The following EFNA1 variants were observed in gnomAD, a reference collection of about 807,000 sequenced individuals.
EFNA1 encodes the protein ephrin-A1.
EFNA1 carries 8 observed loss-of-function variants against 23.2 expected under a neutral mutation model. The observed-to-expected ratio is 0.34, with a 90% CI of 0.20 to 0.62. EFNA1 has a LOEUF of 0.62. Ranked by LOEUF, EFNA1 falls within the 20% of genes least tolerant of loss-of-function variation. The pLI, the probability that EFNA1 is intolerant of heterozygous loss-of-function variation, is 0.75. For synonymous variants in EFNA1, 89 were observed against 98.6 expected (o/e 0.90, Z 0.58); for missense variants, 217 against 260.0 (o/e 0.83, Z 1.14).
intron 1 of EFNA1, chr1:155,130,510 A>AGGGGAGAGG: frequency 1.0e-6 from 1 of 959,146 alleles, no homozygotes; most frequent in African/African-American, 2.0e-5. Context: ...GAGGGGAGAG[A>AGGGGAGAGG]GGGGAGAGGG....
intron 1 of EFNA1, chr1:155,130,839 G>T (rs1664226245): frequency 3.0e-6 from 3 of 985,320 alleles, no homozygotes; most frequent in South Asian, 9.4e-5. Context: ...AGTAAGGAAA[G>T]TGAAGACACA....
chr1:155,133,982 G>C lies in EFNA1; in HGVS notation c.533G>C (p.Ser178Thr), dbSNP rs1178396431. 6.2e-7 allele frequency: 1 copy of C among 1,614,140 alleles called. No individual in the cohort carries two copies. The highest frequency in any genetic ancestry group is 2.2e-5 in the East Asian group (1 of 44,882). Residue 178 changes from serine to threonine, a missense_variant, in exon 5 of 5, where the codon AGC (serine) becomes ACC (threonine). Coordinates refer to ENST00000368407, the MANE Select transcript of EFNA1 (RefSeq NM_004428.3). The part of the protein sequence containing the change: ...ADDPEVRVLH[S>T]IGHSAAPRLF... ...GACCCAGAGGTGCGGGTTCTACATAGCATCGGTCACAGTGCTGCCCCACGC... is the reference window on the plus strand; with the variant it reads ...GACCCAGAGGTGCGGGTTCTACATACCATCGGTCACAGTGCTGCCCCACGC...
At chr1:155,133,369 G>T in intron 2 of EFNA1, 134 bp from the exon 3 acceptor site, 1 of 991,880 alleles carries the variant, frequency 1.0e-6, no homozygotes, top group Non-Finnish European at 1.5e-6. Flanking sequence ...ACTAAGGAGG[G>T]TAGGAATCAA....
At chr1:155,133,199 G>A (rs971007375) in intron 2 of EFNA1, among the ~76,000 whole-genome samples, 3 of 152,128 alleles carry the variant, frequency 2.0e-5, no homozygotes, top group Non-Finnish European at 4.4e-5. Context: ...GTGAGCCACC[G>A]CGCCTGGCCT....
Position 155,131,102 on chromosome 1 carries a change from C to T in EFNA1, c.93-237C>T, listed in dbSNP as rs905706960. The T allele has an allele frequency of 9.7e-6, 13 of 1,335,404 alleles. No individual in the cohort carries two copies. In the African/African-American group the frequency reaches 1.8e-4, roughly 18 times the overall value. 82.7% of individuals were successfully genotyped at this position (1,335,404 alleles called of 1,614,324 possible). Reference sequence around the variant, plus strand: ...AAAATGCTTTGGTACCCGAAAGATACTGAGTGAATGCTATTTGAAGGACCA... The same window carrying T: ...AAAATGCTTTGGTACCCGAAAGATATTGAGTGAATGCTATTTGAAGGACCA... On this transcript the variant is annotated intron_variant, in intron 1 of 4. Transcript: ENST00000368407.
intron 2 of EFNA1, 97 bp from the exon 3 acceptor site, chr1:155,133,406 T>G (rs4971066): frequency 0.2 from 270,993 of 1,350,044 alleles, 42,045 homozygotes; most frequent in East Asian, 0.83. Flanking sequence ...AGAATGAAAT[T>G]GAGTAGGGAG....
At chr1:155,130,087 T>G (rs1413166380) in intron 1 of EFNA1, among the ~76,000 whole-genome samples, 6 of 151,978 alleles carry the variant, frequency 3.9e-5, no homozygotes, top group African/African-American at 1.4e-4. Flanking sequence ...GGGAGGGGCC[T>G]GGTAAGCCCA....
chr1:155,132,163 C>T (rs1048321852), intron 2 of EFNA1, among the ~76,000 whole-genome samples: 1 of 152,126 alleles, frequency 6.6e-6, no homozygotes, highest in Non-Finnish European at 1.5e-5. Context: ...ACAGAACAGA[C>T]CATGGGGGAA....
In EFNA1 at chr1:155,131,477, C is replaced by T; in HGVS notation, c.231C>T (p.Tyr77=). 6.2e-7 allele frequency: 1 copy of T among 1,613,746 alleles called. No individual in the cohort carries two copies. Among genetic ancestry groups the T allele is most frequent in the Non-Finnish European group, 8.5e-7 (1 of 1,179,852 alleles). Reference sequence around the variant, plus strand: ...TGTACCTGGTGGAGCATGAGGAGTACCAGCTGTGCCAGCCCCAGTCCAAGG... The same window carrying T: ...TGTACCTGGTGGAGCATGAGGAGTATCAGCTGTGCCAGCCCCAGTCCAAGG... ...YILYLVEHEE[Y]QLCQPQSKDQ... Residue 77 remains tyrosine, a synonymous_variant, in exon 2 of 5, where the codon TAC becomes TAT. Coordinates refer to ENST00000368407, the MANE Select transcript of EFNA1 (RefSeq NM_004428.3).
intron 1 of EFNA1, chr1:155,130,538 T>C: frequency 1.0e-6 from 1 of 984,066 alleles, no homozygotes; most frequent in Non-Finnish European, 1.2e-6. Flanking sequence ...TGTCTCAAGC[T>C]CAAGCTCAGA....
At chr1:155,129,535 A>ACG (rs1446390740) in intron 1 of EFNA1, 1 of 149,740 alleles carries the variant, frequency 6.7e-6, no homozygotes, top group Non-Finnish European at 1.4e-5. Flanking sequence ...ACACACACAC[A>ACG]CACACACACA....
chr1:155,128,781 G>A lies in EFNA1; in HGVS notation c.92+712G>A, dbSNP rs550431711. Among the ~76,000 whole-genome samples the A allele has an allele frequency of 1.8e-4, 28 of 152,342 alleles. 1 individual carries two copies. The South Asian group carries it at 5.4e-3, about 29-fold the overall frequency. On this transcript the variant is annotated intron_variant, in intron 1 of 4. Transcript: ENST00000368407. ...GTTACAGAAGGTTCTGGGCAGGAAG[G>A]AGTTAATTTCTCCTGGGCAGGTTTA...
In EFNA1 at chr1:155,127,901, C is replaced by T. The variant is rs1468274088; in HGVS notation, c.-77C>T. ...AGATCTGTGAGCCCAGCGCTGACTG[C>T]GCCGCGGAGAAAGCCAGTGGGAACC... On this transcript the variant is annotated 5_prime_UTR_variant, in exon 1 of 5. Transcript: ENST00000368407. The surrounding 1 kb of genome is among the most constrained non-coding windows in gnomAD (Gnocchi z 4.4). 10 of 1,171,050 alleles carry T rather than the reference C, an allele frequency of 8.5e-6. No individual in the cohort carries two copies. Among genetic ancestry groups the T allele is most frequent in the African/African-American group, 3.1e-5 (2 of 65,482 alleles). The allele number at this position is 1,171,050 out of a possible 1,614,324, so 72.5% of individuals were successfully genotyped here.
chr1:155,132,012 T>C (rs1010436974), intron 2 of EFNA1, among the ~76,000 whole-genome samples: 5 of 151,666 alleles, frequency 3.3e-5, no homozygotes, highest in African/African-American at 1.2e-4. Flanking sequence ...GTCCCAGAGC[T>C]CAGGACAAGC....
At position 155,131,441 on chromosome 1, in the gene EFNA1, G is replaced by A; in HGVS notation, c.195G>A (p.Glu65=). ...ACTCTGTGGCAGACGCTGCCATGGA[G>A]CAGTACATACTGTACCTGGTGGAGC... ...EDHSVADAAM[E]QYILYLVEHE... Residue 65 remains glutamate (E), a synonymous_variant, in exon 2 of 5, where the codon GAG becomes GAA. Transcript: ENST00000368407. 2 of 1,614,152 alleles carry A rather than the reference G, an allele frequency of 1.2e-6. No individual in the cohort carries two copies. The highest frequency in any genetic ancestry group is 1.7e-6 in the Non-Finnish European group (2 of 1,180,028).
intron 2 of EFNA1, among the ~76,000 whole-genome samples, chr1:155,133,246 A>G (rs1664276951): frequency 6.6e-6 from 1 of 152,154 alleles, no homozygotes; most frequent in Non-Finnish European, 1.5e-5. Flanking sequence ...AGAGGAACAT[A>G]TTCAGACTCG....
At chr1:155,128,435 T>C (rs1664146643) in intron 1 of EFNA1, among the ~76,000 whole-genome samples, 2 of 151,576 alleles carry the variant, frequency 1.3e-5, no homozygotes, top group South Asian at 4.2e-4. Flanking sequence ...CGCCTCTCCT[T>C]GTGTGTCCTT....
Position 155,134,267 on chromosome 1 carries a change from C to T in EFNA1, c.*200C>T. On this transcript the variant is annotated 3_prime_UTR_variant, in exon 5 of 5. Coordinates refer to ENST00000368407, the MANE Select transcript of EFNA1 (RefSeq NM_004428.3). ...AGGAGGCCAACCAGCCCGACAGTGC[C>T]ATCCCCACCTTCACCTCGGAGGGAT... is the stretch of plus-strand genomic sequence containing the variant. 1 of 598,854 alleles carries T rather than the reference C, an allele frequency of 1.7e-6. No homozygotes were observed. The highest frequency in any genetic ancestry group is 1.9e-5 in the South Asian group (1 of 51,284). The allele number at this position is 598,854 out of a possible 1,614,324, so 37.1% of individuals were successfully genotyped here. A position where few individuals can be genotyped will look rare whatever the true frequency, so the allele number is the denominator to read the frequency against.
At chr1:155,132,412 C>G (rs1664259830) in intron 2 of EFNA1, among the ~76,000 whole-genome samples, 1 of 151,930 alleles carries the variant, frequency 6.6e-6, no homozygotes, top group Non-Finnish European at 1.5e-5. Context: ...CCACGCCCAG[C>G]TAATTTTGTA....
Sources: allele counts gnomAD v4.1 joint callset (sites outside exome capture counted in the v4.1 genomes callset), GRCh38; gene constraint gnomAD v4.1.1; non-coding constraint Gnocchi (gnomAD v3.1); transcripts MANE v1.5; gene names NCBI Gene and HGNC (gene_info 2026-07-23, HGNC 2026-07-21).